DGKI: variants seen among roughly 807,000 people sequenced by gnomAD.
The protein encoded by DGKI is diacylglycerol kinase iota, also known as DAG kinase iota.
In DGKI, 55 loss-of-function variants were observed where a neutral mutation model predicts 147.5. The observed-to-expected ratio is 0.37, with a 90% CI of 0.30 to 0.47. The LOEUF (loss-of-function observed/expected upper bound fraction) is 0.47, where lower values mean the gene tolerates loss of function less well. DGKI is among the 20% of genes least tolerant of loss of function. The probability of loss-of-function intolerance (pLI) is 1.00; values close to 1 mark genes in which losing one functional copy is unlikely to be tolerated. For synonymous variants in DGKI, 469 were observed against 477.1 expected, an observed-to-expected ratio of 0.98 and a Z score of 0.22; for missense variants, 1,007 against 1,323.8, an observed-to-expected ratio of 0.76 and a Z score of 3.71.
chr7:137,796,102 T>C (rs1412342084), intron 1 of DGKI, among the ~76,000 whole-genome samples: 3 of 152,048 alleles, frequency 2.0e-5, no homozygotes, highest in South Asian at 2.1e-4. Context: ...ATAAGATACA[T>C]AGTAAAATAG....
Position 137,741,265 on chromosome 7 carries a change from C to T in DGKI, c.402-51263G>A, listed in dbSNP as rs115204009. Among the ~76,000 whole-genome samples, 402 of 152,330 alleles carry T rather than the reference C, an allele frequency of 2.6e-3. 2 individuals carry two copies. Among genetic ancestry groups the T allele is most frequent in the African/African-American group, 9.2e-3 (383 of 41,572 alleles). On this transcript the variant is annotated intron_variant, in intron 1 of 32. Transcript: ENST00000614521. ...ATAATAAGAGTGCTAAAGTCAGGTG[C>T]GCTCTTCCGTACATAAACATCAGAG...
rs1184056943 is a variant in DGKI at position 137,678,626 on chromosome 7, C to T, written c.537G>A (p.Leu179=). The T allele has an allele frequency of 6.2e-7, 1 of 1,614,000 alleles. No individual in the cohort carries two copies. The highest frequency in any genetic ancestry group is 8.5e-7 in the Non-Finnish European group (1 of 1,180,024). Residue 179 remains leucine (L), a synonymous_variant, in exon 3 of 33, where the codon CTG becomes CTA. Transcript: ENST00000614521. ...WSENAVNGEH[L]WLETNVSGDL... ...CTCCCGAGACGTTGGTCTCCAGCCA[C>T]AGGTGTTCTCCATTCACGGCATTCT...
intron 1 of DGKI, among the ~76,000 whole-genome samples, chr7:137,824,867 T>C (rs1172648777): frequency 6.6e-6 from 1 of 152,236 alleles, no homozygotes; most frequent in Non-Finnish European, 1.5e-5. Context: ...GCTTCATCCA[T>C]ATGCCTGCAA....
At chr7:137,645,662 G>A (rs1821799139) in intron 5 of DGKI, 125 bp from the exon 6 acceptor site, 3 of 794,832 alleles carry the variant, frequency 3.8e-6, no homozygotes, top group South Asian at 4.2e-5. Flanking sequence ...GAACTCCTCT[G>A]CTCAAGCAAT....
intron 3 of DGKI, among the ~76,000 whole-genome samples, chr7:137,674,687 T>C (rs1585356845): frequency 6.6e-6 from 1 of 152,240 alleles, no homozygotes; most frequent in Non-Finnish European, 1.5e-5. Context: ...ACCTCGTTTG[T>C]ACAGAGCTTG....
At chr7:137,441,095 C>A (rs531818235) in intron 28 of DGKI, among the ~76,000 whole-genome samples, 3 of 152,186 alleles carry the variant, frequency 2.0e-5, no homozygotes, top group Non-Finnish European at 4.4e-5. Context: ...TGGATGCTAG[C>A]GAATAATACT....
At chr7:137,737,584 A>G (rs1158417492) in intron 1 of DGKI, among the ~76,000 whole-genome samples, 2 of 152,024 alleles carry the variant, frequency 1.3e-5, no homozygotes, top group Non-Finnish European at 2.9e-5. Context: ...AATGGAACCC[A>G]GAACCTCTTA....
At chr7:137,579,436 T>TAAAAAAAAAAAAA (rs71533758) in intron 15 of DGKI, among the ~76,000 whole-genome samples, 5 of 108,182 alleles carry the variant, frequency 4.6e-5, no homozygotes, top group East Asian at 2.8e-4. Flanking sequence ...ACAGAAACAG[T>TAAAAAAAAAAAAA]AAAAAAAAAA....
At chr7:137,780,976 G>A (rs1320809400) in intron 1 of DGKI, among the ~76,000 whole-genome samples, 1 of 152,208 alleles carries the variant, frequency 6.6e-6, no homozygotes, top group African/African-American at 2.4e-5. Context: ...CTTCACATCT[G>A]TCCTCAGCAG....
chr7:137,417,891 A>G (rs893294902), intron 28 of DGKI, among the ~76,000 whole-genome samples: 6 of 152,188 alleles, frequency 3.9e-5, no homozygotes, highest in African/African-American at 1.4e-4. Context: ...AGCAGAGAGT[A>G]ATTTGCTAGC....
chr7:137,821,667 G>C (rs1199201853), intron 1 of DGKI, among the ~76,000 whole-genome samples: 1 of 150,902 alleles, frequency 6.6e-6, no homozygotes, highest in South Asian at 2.1e-4. Context: ...AAAAAAGAAA[G>C]AAAGAAAAGA....
At chr7:137,541,600 A>G (rs1817706126) in intron 20 of DGKI, among the ~76,000 whole-genome samples, 1 of 152,204 alleles carries the variant, frequency 6.6e-6, no homozygotes, top group Non-Finnish European at 1.5e-5. Flanking sequence ...ATACTAAGGG[A>G]TGACTTTTTG....
chr7:137,677,701 T>C (rs1353066220), intron 3 of DGKI, among the ~76,000 whole-genome samples: 2 of 152,214 alleles, frequency 1.3e-5, no homozygotes, highest in Non-Finnish European at 2.9e-5. Flanking sequence ...TGCAAATATT[T>C]CTTTCACATA....
At chr7:137,696,234 T>G (rs1823776866) in intron 1 of DGKI, among the ~76,000 whole-genome samples, 1 of 152,108 alleles carries the variant, frequency 6.6e-6, no homozygotes, top group Non-Finnish European at 1.5e-5. Context: ...CCTCTTCTAG[T>G]CAGTAAATAA....
At chr7:137,802,701 G>A (rs1207605201) in intron 1 of DGKI, among the ~76,000 whole-genome samples, 2 of 152,148 alleles carry the variant, frequency 1.3e-5, no homozygotes, top group Non-Finnish European at 2.9e-5. Flanking sequence ...TCTTATTAGT[G>A]CCAAATTATA....
intron 1 of DGKI, among the ~76,000 whole-genome samples, chr7:137,716,744 C>T (rs1452341219): frequency 6.6e-6 from 1 of 152,166 alleles, no homozygotes; most frequent in African/African-American, 2.4e-5. Flanking sequence ...GTCCGAATTC[C>T]CCAAGATCAA....
At chr7:137,427,647 C>T (rs967691433) in intron 28 of DGKI, among the ~76,000 whole-genome samples, 1 of 151,884 alleles carries the variant, frequency 6.6e-6, no homozygotes, top group Non-Finnish European at 1.5e-5. Context: ...AATTGATAGA[C>T]CACTAGCAAG....
intron 6 of DGKI, among the ~76,000 whole-genome samples, chr7:137,628,399 C>T (rs191118008): frequency 1.9e-4 from 29 of 152,272 alleles, no homozygotes; most frequent in Non-Finnish European, 3.8e-4. Flanking sequence ...ACCATAGCTT[C>T]GGGCTTATCA....
chr7:137,822,037 G>A (rs1038514670), intron 1 of DGKI, among the ~76,000 whole-genome samples: 12 of 152,112 alleles, frequency 7.9e-5, no homozygotes, highest in African/African-American at 1.9e-4. Context: ...AAATACAACC[G>A]CAGCTGGGTT....
Sources: gnomAD v4.1 joint callset for allele counts (sites outside exome capture counted in the v4.1 genomes callset) on GRCh38, gnomAD v4.1.1 for gene constraint, MANE v1.5 for transcripts, NCBI Gene and HGNC (gene_info 2026-07-23, HGNC 2026-07-21) for gene names.